Variants in IRAG2 observed in about 807,000 individuals in gnomAD.
IRAG2 encodes lymphoid restricted membrane protein.
Under a neutral mutation model 69.9 loss-of-function variants are expected in IRAG2, and 45 were observed. The observed-to-expected ratio is 0.64, with a 90% CI of 0.51 to 0.83. The LOEUF (loss-of-function observed/expected upper bound fraction) is 0.83, where lower values mean the gene tolerates loss of function less well. Ranked by LOEUF, IRAG2 falls within the 40% of genes least tolerant of loss-of-function variation. The pLI is 0.00. For missense variants in IRAG2, 520 were observed against 587.0 expected (o/e 0.89, Z 1.18); for synonymous variants, 193 against 202.4 (o/e 0.95, Z 0.40).
chr12:25,091,686 T>G (rs1948076699), intron 14 of IRAG2, among the ~76,000 whole-genome samples: 1 of 152,170 alleles, frequency 6.6e-6, no homozygotes, highest in African/African-American at 2.4e-5. Flanking sequence ...ACCACTGTAC[T>G]GTTTTTCATA....
chr12:25,102,391 C>T lies in IRAG2; in HGVS notation c.933+150C>T, dbSNP rs1278113904. The T allele has an allele frequency of 6.3e-6, 4 of 634,420 alleles. No homozygotes were observed. In the Admixed American group the frequency reaches 1.2e-4, roughly 19 times the overall value. 39.3% of individuals were successfully genotyped at this position (634,420 alleles called of 1,614,324 possible). On this transcript the variant is annotated intron_variant, in intron 17 of 21. Coordinates refer to ENST00000556887, the MANE Select transcript of IRAG2 (RefSeq NM_001366544.2). ...TTGTTTATCTAAGTATGCTTTTATACTCTCTGCTATATTTTTGTATCAATT... is the reference window on the plus strand; with the variant it reads ...TTGTTTATCTAAGTATGCTTTTATATTCTCTGCTATATTTTTGTATCAATT...
At chr12:25,060,075 A>G (rs963155747) in intron 1 of IRAG2, among the ~76,000 whole-genome samples, 1 of 152,190 alleles carries the variant, frequency 6.6e-6, no homozygotes, top group Non-Finnish European at 1.5e-5. Context: ...ATATGCTTCC[A>G]TCTAGCAGAG....
At chr12:25,051,251 GT>G (rs1944866312), upstream of IRAG2, among the ~76,000 whole-genome samples, 1 of 152,176 alleles carries the variant, frequency 6.6e-6, no homozygotes, top group Non-Finnish European at 1.5e-5. Flanking sequence ...TTAGGATTTT[GT>G]TTGCTTGTTT....
intron 6 of IRAG2, among the ~76,000 whole-genome samples, chr12:25,070,378 C>G (rs1293380976): frequency 6.6e-6 from 1 of 152,182 alleles, no homozygotes; most frequent in African/African-American, 2.4e-5. Context: ...AATATATGGC[C>G]TTCTGTGCCC....
intron 14 of IRAG2, among the ~76,000 whole-genome samples, chr12:25,095,283 A>G (rs1210387960): frequency 6.6e-6 from 1 of 152,154 alleles, no homozygotes; most frequent in Non-Finnish European, 1.5e-5. Context: ...TCAGTGACAT[A>G]GTAAAAATAA....
chr12:25,052,291 G>GCCTT, upstream of IRAG2: 1 of 395,052 alleles, frequency 2.5e-6, no homozygotes, highest in Admixed American at 4.5e-5. Flanking sequence ...AACCAGGAAG[G>GCCTT]CATCCTTAGG....
At chr12:25,080,195 G>C (rs1447175522) in intron 9 of IRAG2, among the ~76,000 whole-genome samples, 2 of 151,794 alleles carry the variant, frequency 1.3e-5, no homozygotes, top group Non-Finnish European at 2.9e-5. Context: ...CTAACCAGTT[G>C]GTTTGTTAGG....
chr12:24,997,802 C>T, the IRAG2 span, among the ~76,000 whole-genome samples: 1 of 152,052 alleles, frequency 6.6e-6, no homozygotes, highest in African/African-American at 2.4e-5. Context: ...ATTAGAGGTT[C>T]AACAGAGTTC....
intron 10 of IRAG2, 95 bp downstream of exon 10, chr12:25,083,588 T>C: frequency 1.4e-6 from 1 of 720,048 alleles, no homozygotes; most frequent in South Asian, 1.8e-5. Flanking sequence ...TTATCTCATT[T>C]ATCCTTTCAA....
chr12:25,066,542 A>C, intron 5 of IRAG2, 30 bp downstream of exon 5: 1 of 400,330 alleles, frequency 2.5e-6, no homozygotes. Context: ...TACTTACTCT[A>C]CTCCTCATGG....
At chr12:25,034,319 T>G (rs1002641944) in intron 13 of IRAG2, among the ~76,000 whole-genome samples, 5 of 152,196 alleles carry the variant, frequency 3.3e-5, no homozygotes, top group African/African-American at 1.2e-4. Context: ...AGTAAATATA[T>G]TTATCAAAAA....
intron 13 of IRAG2, among the ~76,000 whole-genome samples, chr12:25,034,557 C>T (rs543572356): frequency 9.2e-5 from 14 of 152,214 alleles, no homozygotes; most frequent in African/African-American, 2.6e-4. Context: ...AAAACCTTCT[C>T]GGGGATAAAG....
intron 6 of IRAG2, among the ~76,000 whole-genome samples, chr12:25,073,342 T>C (rs1041738068): frequency 3.3e-5 from 5 of 152,238 alleles, no homozygotes; most frequent in Non-Finnish European, 7.3e-5. Context: ...TTATATACAG[T>C]AGCTGCCCAA....
At chr12:25,063,692 G>A (rs1945783915) in intron 3 of IRAG2, 28 bp from the exon 4 acceptor site, 1 of 398,714 alleles carries the variant, frequency 2.5e-6, no homozygotes, top group South Asian at 1.3e-4. Context: ...TCCTTTAGAT[G>A]GCTAATACTA....
chr12:25,051,020 G>A (rs948879249), upstream of IRAG2, among the ~76,000 whole-genome samples: 1 of 152,200 alleles, frequency 6.6e-6, no homozygotes, highest in African/African-American at 2.4e-5. Context: ...TTTCAGTTAT[G>A]CAAGATGAAG....
chr12:25,089,788 G>A lies in IRAG2; in HGVS notation c.463G>A (p.Glu155Lys). The A allele has an allele frequency of 6.2e-7, 1 of 1,613,068 alleles. No homozygotes were observed. The highest frequency in any genetic ancestry group is 8.5e-7 in the Non-Finnish European group (1 of 1,179,938). Residue 155 changes from glutamate (E) to lysine (K), a missense_variant and splice_region_variant, in exon 13 of 22, where the codon GAG (glutamate) becomes AAG (lysine). Coordinates refer to ENST00000556887, the MANE Select transcript of IRAG2 (RefSeq NM_001366544.2). ...CACTTCTGCTAATGAGAAGGAGGTG[G>A]AGGTGAGTTTAAAGCAAATTTTTTT... is the stretch of plus-strand genomic sequence containing the variant. The part of the protein sequence containing the change: ...ENTSANEKEV[E>K]AEFLRLSLGF...
Position 25,107,066 on chromosome 12 carries a change from G to C in IRAG2, c.1256+16G>C, listed in dbSNP as rs776474695. Reference sequence around the variant, plus strand: ...TCTCTTCAGTGTAAGTTATCTACTTGATAAATTCTACCATTTTAGTGGAAT... The same window carrying C: ...TCTCTTCAGTGTAAGTTATCTACTTCATAAATTCTACCATTTTAGTGGAAT... On this transcript the variant is annotated intron_variant, in intron 21 of 21. Coordinates refer to ENST00000556887, the MANE Select transcript of IRAG2 (RefSeq NM_001366544.2). 81 of 1,409,000 alleles carry C rather than the reference G, an allele frequency of 5.7e-5. No individual in the cohort carries two copies. Among genetic ancestry groups the C allele is most frequent in the Non-Finnish European group, 7.9e-5 (79 of 1,003,874 alleles). The allele number at this position is 1,409,000 out of a possible 1,614,324, so 87.3% of individuals were successfully genotyped here. A position where few individuals can be genotyped will look rare whatever the true frequency, so the allele number is the denominator to read the frequency against.
chr12:25,017,314 T>A (rs892020890), intron 6 of IRAG2: 3 of 1,231,950 alleles, frequency 2.4e-6, no homozygotes, highest in Non-Finnish European at 3.0e-6. Flanking sequence ...TGGGGTCCAG[T>A]GTGCGGGGAA....
intron 11 of IRAG2, among the ~76,000 whole-genome samples, 187 bp from the exon 12 acceptor site, chr12:25,089,427 T>C (rs1295108292): frequency 6.6e-6 from 1 of 152,234 alleles, no homozygotes; most frequent in Non-Finnish European, 1.5e-5. Context: ...CAAATGATTG[T>C]AATGGCATTG....
Sources: gnomAD v4.1 joint callset for allele counts (sites outside exome capture counted in the v4.1 genomes callset) on GRCh38, gnomAD v4.1.1 for gene constraint, MANE v1.5 for transcripts, NCBI Gene and HGNC (gene_info 2026-07-23, HGNC 2026-07-21) for gene names.